The following CNTNAP2 variants were observed in gnomAD, a reference collection of about 807,000 sequenced individuals.
The protein encoded by CNTNAP2 is contactin-associated protein-like 2.
A neutral mutation model predicts 155.2 loss-of-function variants in CNTNAP2; 98 were observed. The ratio of observed to expected loss-of-function variants is 0.63; its 90% confidence interval spans 0.54 to 0.75. The LOEUF (loss-of-function observed/expected upper bound fraction) is 0.75, where lower values mean the gene tolerates loss of function less well. CNTNAP2 is among the 30% of genes least tolerant of loss of function. CNTNAP2 has a pLI of 0.00. For synonymous variants in CNTNAP2, 651 were observed against 631.2 expected (o/e 1.03, Z -0.47); for missense variants, 1,727 against 1,688.1 (o/e 1.02, Z -0.40).
intron 10 of CNTNAP2, among the ~76,000 whole-genome samples, chr7:147,433,802 T>C (rs1797503957): frequency 6.6e-6 from 1 of 152,162 alleles, no homozygotes; most frequent in East Asian, 1.9e-4. Context: ...AGTCAAAATA[T>C]CAAAATCGAA....
chr7:147,479,164 G>A (rs1798375994), intron 10 of CNTNAP2, among the ~76,000 whole-genome samples: 1 of 152,184 alleles, frequency 6.6e-6, no homozygotes, highest in African/African-American at 2.4e-5. Flanking sequence ...CCACGTAGAA[G>A]GGGATTCCTC....
intron 1 of CNTNAP2, among the ~76,000 whole-genome samples, chr7:146,357,881 C>G (rs73738240): frequency 0.04 from 5,956 of 148,778 alleles, 407 homozygotes; most frequent in African/African-American, 0.14. Context: ...ATCAAGGAAA[C>G]AAATAAGAAG....
At chr7:146,892,282 A>T (rs1387960039) in intron 3 of CNTNAP2, among the ~76,000 whole-genome samples, 1 of 152,144 alleles carries the variant, frequency 6.6e-6, no homozygotes, top group Non-Finnish European at 1.5e-5. Context: ...ACAGTGCCTG[A>T]TCCCAAGTAT....
At chr7:147,639,478 A>C (rs989391754) in intron 13 of CNTNAP2, among the ~76,000 whole-genome samples, 172 bp downstream of exon 13, 1 of 151,962 alleles carries the variant, frequency 6.6e-6, no homozygotes, top group African/African-American at 2.4e-5. Flanking sequence ...AATGAAGCTA[A>C]GAAAGAATGA....
intron 21 of CNTNAP2, among the ~76,000 whole-genome samples, chr7:148,288,763 C>A (rs1330664515): frequency 6.6e-6 from 1 of 151,788 alleles, no homozygotes; most frequent in Non-Finnish European, 1.5e-5. Flanking sequence ...TCTGCAAAAC[C>A]TTTCCACCAA....
At chr7:147,027,172 G>A (rs116396878) in intron 3 of CNTNAP2, among the ~76,000 whole-genome samples, 25 of 152,138 alleles carry the variant, frequency 1.6e-4, no homozygotes, top group African/African-American at 5.5e-4. Context: ...TAAAGTTGTG[G>A]CCATCTATTT....
At chr7:147,037,737 G>T (rs985014901) in intron 3 of CNTNAP2, among the ~76,000 whole-genome samples, 1 of 151,992 alleles carries the variant, frequency 6.6e-6, no homozygotes, top group Non-Finnish European at 1.5e-5. Context: ...AGTTTTCTTT[G>T]AGGCACAAAC....
intron 1 of CNTNAP2, among the ~76,000 whole-genome samples, chr7:146,234,398 C>G (rs1204421517): frequency 6.6e-6 from 1 of 152,084 alleles, no homozygotes; most frequent in African/African-American, 2.4e-5. Flanking sequence ...AAAATTTTCT[C>G]CCATTGTGTA....
At chr7:146,326,374 T>C (rs1340032516) in intron 1 of CNTNAP2, among the ~76,000 whole-genome samples, 1 of 152,240 alleles carries the variant, frequency 6.6e-6, no homozygotes, top group African/African-American at 2.4e-5. Flanking sequence ...GTTTTGGAGC[T>C]AGCCTTGCAT....
Position 146,934,967 on chromosome 7 carries a change from A to G in CNTNAP2, c.402+95063A>G, listed in dbSNP as rs1230777075. Among the ~76,000 whole-genome samples, 2 of 152,232 alleles carry G rather than the reference A, an allele frequency of 1.3e-5. 1 individual carries two copies. Among genetic ancestry groups the G allele is most frequent in the South Asian group, 4.1e-4 (2 of 4,832 alleles). ...AAAAGTTTAGAGGAATGTATAGACT[A>G]AATAGTCCATTTGCTATTGTGACAT... is the stretch of plus-strand genomic sequence containing the variant. On this transcript the variant is annotated intron_variant, in intron 3 of 23. Transcript: ENST00000361727.
At position 147,754,118 on chromosome 7, in the gene CNTNAP2, C is replaced by T. The variant is rs963944684; in HGVS notation, c.2098+114812C>T. Among the ~76,000 whole-genome samples the T allele has an allele frequency of 2.6e-5, 4 of 152,138 alleles. No homozygotes were observed. The East Asian group carries it at 7.7e-4, about 29-fold the overall frequency. ...AGACCTAGAAGCCAGATTAAAGAGG[C>T]TCCTGCAGACACAGGATGAGACAAA... is the stretch of plus-strand genomic sequence containing the variant. On this transcript the variant is annotated intron_variant, in intron 13 of 23. Transcript: ENST00000361727.
intron 1 of CNTNAP2, among the ~76,000 whole-genome samples, chr7:146,585,263 A>C (rs1798671496): frequency 6.6e-6 from 1 of 152,118 alleles, no homozygotes; most frequent in African/African-American, 2.4e-5. Context: ...CTGGGATTAC[A>C]GGCACATGCC....
intron 15 of CNTNAP2, among the ~76,000 whole-genome samples, chr7:148,117,251 AT>A (rs772895550): frequency 4.8e-4 from 73 of 152,316 alleles, no homozygotes; most frequent in Admixed American, 1.4e-3. Context: ...GCTGAGAGCC[AT>A]TTGGTGGGCT....
At chr7:146,940,618 T>C (rs1206825221) in intron 3 of CNTNAP2, among the ~76,000 whole-genome samples, 3 of 152,022 alleles carry the variant, frequency 2.0e-5, no homozygotes, top group Non-Finnish European at 4.4e-5. Flanking sequence ...TGATACCTTG[T>C]TGGCCAAACT....
At chr7:146,525,585 TATC>T (rs1187761595) in intron 1 of CNTNAP2, among the ~76,000 whole-genome samples, 140 of 144,340 alleles carry the variant, frequency 9.7e-4, no homozygotes, top group African/African-American at 3.9e-3. Context: ...TCTCTCTATC[TATC>T]ATCTATCTAT....
intron 13 of CNTNAP2, among the ~76,000 whole-genome samples, chr7:147,644,809 C>T (rs902696424): frequency 3.9e-5 from 6 of 152,126 alleles, no homozygotes; most frequent in Admixed American, 3.3e-4. Context: ...ATCTTACATA[C>T]ATTGTAGTCA....
In CNTNAP2 at chr7:146,389,334, A is replaced by G. The variant is rs139480062; in HGVS notation, c.97+272361A>G. On this transcript the variant is annotated intron_variant, in intron 1 of 23. Transcript: ENST00000361727. ...TTTTAGTTTTGCTTCAAAACTGAAA[A>G]CTGATGTTCTTAAGTTCTGGAAAAT... Among the ~76,000 whole-genome samples the G allele has an allele frequency of 4.2e-3, 634 of 152,180 alleles. 7 individuals carry two copies. The highest frequency in any genetic ancestry group is 0.014 in the African/African-American group (574 of 41,540).
intron 21 of CNTNAP2, among the ~76,000 whole-genome samples, chr7:148,381,840 A>G (rs1017734606): frequency 1.2e-4 from 17 of 146,406 alleles, no homozygotes; most frequent in Non-Finnish European, 2.1e-4. Context: ...AGGTCCTGCA[A>G]ACTCCAGAGC....
chr7:147,018,445 T>C (rs1798763825), intron 3 of CNTNAP2, among the ~76,000 whole-genome samples: 2 of 152,064 alleles, frequency 1.3e-5, no homozygotes, highest in South Asian at 2.1e-4. Context: ...TTTTAACCCA[T>C]ATTGCATAAA....
Sources: allele counts gnomAD v4.1 joint callset (sites outside exome capture counted in the v4.1 genomes callset), GRCh38; gene constraint gnomAD v4.1.1; transcripts MANE v1.5; gene names NCBI Gene and HGNC (gene_info 2026-07-23, HGNC 2026-07-21).